The following MAST4 variants were observed in gnomAD, a reference collection of about 807,000 sequenced individuals.
MAST4 encodes the protein microtubule-associated serine/threonine-protein kinase 4.
Under a neutral mutation model 162.7 loss-of-function variants are expected in MAST4, and 89 were observed. The ratio of observed to expected loss-of-function variants is 0.55; its 90% confidence interval spans 0.46 to 0.65. The LOEUF (loss-of-function observed/expected upper bound fraction) is 0.65, where lower values mean the gene tolerates loss of function less well. Among genes scored for constraint, MAST4 ranks in the 30% least tolerant of loss-of-function variants. The pLI, the probability that MAST4 is intolerant of heterozygous loss-of-function variation, is 0.00. For missense variants in MAST4, 3,153 were observed against 3,374.0 expected, an observed-to-expected ratio of 0.93 and a Z score of 1.62; for synonymous variants, 1,479 against 1,361.1, an observed-to-expected ratio of 1.09 and a Z score of -1.91.
At chr5:66,991,969 C>T (rs1298810552) in intron 4 of MAST4, among the ~76,000 whole-genome samples, 1 of 152,140 alleles carries the variant, frequency 6.6e-6, no homozygotes, top group African/African-American at 2.4e-5. Context: ...GGCAGCAAGG[C>T]AGACAGATAC....
At chr5:67,027,406 C>T (rs372644050) in intron 4 of MAST4, among the ~76,000 whole-genome samples, 58 of 152,208 alleles carry the variant, frequency 3.8e-4, no homozygotes, top group African/African-American at 1.2e-3. Flanking sequence ...CGTAAATACA[C>T]GTTGTGCACA....
At chr5:66,916,618 CTGGTGTGTATTCTTCCAT>C (rs1421408895) in intron 4 of MAST4, among the ~76,000 whole-genome samples, 1 of 152,158 alleles carries the variant, frequency 6.6e-6, no homozygotes, top group Non-Finnish European at 1.5e-5. Flanking sequence ...CATTGTTAGA[CTGGTGTGTATTCTTCCAT>C]TCTTCACTTC....
At chr5:66,674,473 G>C (rs921934221) in intron 1 of MAST4, among the ~76,000 whole-genome samples, 13 of 152,180 alleles carry the variant, frequency 8.5e-5, no homozygotes, top group Non-Finnish European at 1.5e-4. Context: ...TTGTATTCTT[G>C]TTAAAGAGAC....
chr5:66,666,448 A>C (rs80180138), intron 1 of MAST4, among the ~76,000 whole-genome samples: 2,966 of 152,300 alleles, frequency 0.019, 93 homozygotes, highest in African/African-American at 0.067. Flanking sequence ...AATCACACCA[A>C]ATGAATTGTG....
At chr5:66,999,333 T>C (rs1751022758) in intron 4 of MAST4, among the ~76,000 whole-genome samples, 1 of 152,200 alleles carries the variant, frequency 6.6e-6, no homozygotes, top group South Asian at 2.1e-4. Flanking sequence ...TTCTGCACCT[T>C]CTCCAGTCCT....
At chr5:66,852,362 C>A (rs553561348) in intron 3 of MAST4, among the ~76,000 whole-genome samples, 2 of 152,190 alleles carry the variant, frequency 1.3e-5, no homozygotes, top group African/African-American at 4.8e-5. Flanking sequence ...CCAGGGTGGT[C>A]TCAAACTCCT....
chr5:66,816,712 C>A (rs150296828), intron 3 of MAST4, among the ~76,000 whole-genome samples: 1 of 152,104 alleles, frequency 6.6e-6, no homozygotes, highest in East Asian at 1.9e-4. Flanking sequence ...TTTGCACATG[C>A]GGCTCTCTGG....
chr5:66,643,519 G>T (rs1469755595), intron 1 of MAST4, among the ~76,000 whole-genome samples: 1 of 152,142 alleles, frequency 6.6e-6, no homozygotes, highest in Non-Finnish European at 1.5e-5. Context: ...GGATTTTAGT[G>T]AGAGTGTTTT....
rs116770808 is a variant in MAST4 at position 66,674,432 on chromosome 5, G to A, written c.363+77414G>A. On this transcript the variant is annotated intron_variant, in intron 1 of 28. Coordinates refer to ENST00000403625, the MANE Select transcript of MAST4 (RefSeq NM_001164664.2). ...CTACTTGGAGTTCTGGATCCATTAC[G>A]AAGGAAAAATACTACATTTCTTGTT... Among the ~76,000 whole-genome samples, 444 of 152,260 alleles carry A rather than the reference G, an allele frequency of 2.9e-3. 2 individuals carry two copies. Among genetic ancestry groups the A allele is most frequent in the African/African-American group, 0.01 (422 of 41,538 alleles).
intron 1 of MAST4, among the ~76,000 whole-genome samples, chr5:66,692,644 A>G (rs1749124039): frequency 6.6e-6 from 1 of 152,100 alleles, no homozygotes; most frequent in African/African-American, 2.4e-5. Context: ...AGGGGTCCTA[A>G]TATATAAAAC....
intron 4 of MAST4, among the ~76,000 whole-genome samples, chr5:67,012,179 T>C (rs1010115360): frequency 1.3e-5 from 2 of 152,008 alleles, no homozygotes; most frequent in African/African-American, 2.4e-5. Context: ...TAAACAGGAA[T>C]CGTAAGCTTC....
chr5:67,120,357 C>T (rs1339420666), intron 13 of MAST4, among the ~76,000 whole-genome samples: 3 of 152,214 alleles, frequency 2.0e-5, no homozygotes, highest in Admixed American at 2.0e-4. Flanking sequence ...TGGACTCTTG[C>T]AGAGGGGAGC....
At chr5:67,023,720 G>T (rs1754274984) in intron 4 of MAST4, among the ~76,000 whole-genome samples, 1 of 152,080 alleles carries the variant, frequency 6.6e-6, no homozygotes, top group Non-Finnish European at 1.5e-5. Context: ...CTTATGGGTG[G>T]AGGGCAGGAT....
At chr5:66,870,920 G>A in intron 3 of MAST4, 2 of 463,864 alleles carry the variant, frequency 4.3e-6, no homozygotes, top group South Asian at 3.1e-5. Flanking sequence ...GGTAAACAGG[G>A]TGTGGGGTTT....
chr5:66,635,197 C>A (rs1284071418), intron 1 of MAST4, among the ~76,000 whole-genome samples: 1 of 152,210 alleles, frequency 6.6e-6, no homozygotes, highest in African/African-American at 2.4e-5. Flanking sequence ...GCTCCCTGAA[C>A]AGCCGCCATT....
intron 1 of MAST4, among the ~76,000 whole-genome samples, chr5:66,684,896 TACA>T (rs904956853): frequency 1.7e-4 from 26 of 152,180 alleles, no homozygotes; most frequent in African/African-American, 6.0e-4. Flanking sequence ...TGCTGACTGC[TACA>T]ATTCCAGTAA....
chr5:66,611,283 C>T (rs16895295), intron 1 of MAST4, among the ~76,000 whole-genome samples: 11,242 of 152,252 alleles, frequency 0.074, 567 homozygotes, highest in East Asian at 0.28. Context: ...CTTGTTCCAG[C>T]GGCGACCTTA....
At chr5:66,600,308 T>C (rs759566807) in intron 1 of MAST4, among the ~76,000 whole-genome samples, 6 of 152,222 alleles carry the variant, frequency 3.9e-5, no homozygotes, top group Non-Finnish European at 8.8e-5. Context: ...TCCGTGTGTG[T>C]TGAGGAGGTA....
At chr5:66,731,275 G>T (rs1358488856) in intron 1 of MAST4, among the ~76,000 whole-genome samples, 2 of 147,702 alleles carry the variant, frequency 1.4e-5, no homozygotes, top group African/African-American at 5.4e-5. Flanking sequence ...TCTGTTATCT[G>T]CAGAGACACT....
Sources: allele counts gnomAD v4.1 joint callset (sites outside exome capture counted in the v4.1 genomes callset), GRCh38; gene constraint gnomAD v4.1.1; transcripts MANE v1.5; gene names NCBI Gene and HGNC (gene_info 2026-07-23, HGNC 2026-07-21).